The following SAMMSON variants were observed in gnomAD, a reference collection of about 807,000 sequenced individuals.
SAMMSON encodes the protein survival associated mitochondrial melanoma specific oncogenic non-coding RNA, also known as long intergenic non-protein coding RNA 1212.
At chr3:70,398,431 G>A (rs1177482563) in intron 2 of SAMMSON, among the ~76,000 whole-genome samples, 1 of 152,062 alleles carries the variant, frequency 6.6e-6, no homozygotes, top group Non-Finnish European at 1.5e-5. Flanking sequence ...AAACAAATCA[G>A]CATAAAAATT....
At chr3:70,270,612 T>G in intron 6 of SAMMSON, among the ~76,000 whole-genome samples, 1 of 152,190 alleles carries the variant, frequency 6.6e-6, no homozygotes. Context: ...CAGGGTTTTC[T>G]CTATGTATAT....
At chr3:70,255,302 C>T (rs990889648) in intron 6 of SAMMSON, among the ~76,000 whole-genome samples, 1 of 152,130 alleles carries the variant, frequency 6.6e-6, no homozygotes, top group Non-Finnish European at 1.5e-5. Flanking sequence ...AACATACATA[C>T]TGTGATTTTA....
chr3:70,272,866 A>C (rs1186910463), intron 6 of SAMMSON, among the ~76,000 whole-genome samples: 1 of 152,242 alleles, frequency 6.6e-6, no homozygotes. Context: ...AATAAAAAAG[A>C]GATCAGAGGA....
At chr3:70,329,006 A>G (rs1027876420) in intron 7 of SAMMSON, among the ~76,000 whole-genome samples, 1 of 152,188 alleles carries the variant, frequency 6.6e-6, no homozygotes, top group African/African-American at 2.4e-5. Flanking sequence ...TGCAAACTAG[A>G]AGACAGTTGT....
chr3:70,126,359 A>T, intron 4 of SAMMSON: 10 of 1,132,740 alleles, frequency 8.8e-6, no homozygotes, highest in African/African-American at 1.5e-5. Context: ...GTTTCAGCTG[A>T]TGGAGTCTTG....
chr3:70,417,008 A>G (rs1219839224), intron 2 of SAMMSON, among the ~76,000 whole-genome samples: 1 of 152,040 alleles, frequency 6.6e-6, no homozygotes, highest in Non-Finnish European at 1.5e-5. Context: ...CTTCCATGAC[A>G]GACATCACTA....
chr3:70,193,128 A>G (rs1701144125), intron 4 of SAMMSON, among the ~76,000 whole-genome samples: 1 of 152,182 alleles, frequency 6.6e-6, no homozygotes, highest in Admixed American at 6.5e-5. Flanking sequence ...AAGCATATCA[A>G]GATGGTAGAC....
chr3:70,026,170 AAATGAAAT>A (rs1285999485), intron 3 of SAMMSON, among the ~76,000 whole-genome samples: 4 of 152,222 alleles, frequency 2.6e-5, no homozygotes, highest in Admixed American at 2.6e-4. Flanking sequence ...TTATTTTATG[AAATGAAAT>A]AATGTCATTG....
chr3:70,053,518 C>A (rs778319986), intron 3 of SAMMSON, among the ~76,000 whole-genome samples: 2 of 152,140 alleles, frequency 1.3e-5, no homozygotes, highest in Admixed American at 1.3e-4. Flanking sequence ...CTTGACTGAG[C>A]TCCCACATAG....
chr3:70,290,112 T>C (rs1454618476), intron 6 of SAMMSON, among the ~76,000 whole-genome samples: 1 of 152,240 alleles, frequency 6.6e-6, no homozygotes, highest in Non-Finnish European at 1.5e-5. Flanking sequence ...AGGAGCTGCG[T>C]TCCTTTGTAG....
intron 3 of SAMMSON, among the ~76,000 whole-genome samples, chr3:70,057,461 G>A (rs1447482762): frequency 6.6e-6 from 1 of 151,606 alleles, no homozygotes; most frequent in Non-Finnish European, 1.5e-5. Context: ...ATGAAGAATT[G>A]TCTTTGCCTT....
chr3:70,015,695 C>T (rs1184893161), intron 3 of SAMMSON, among the ~76,000 whole-genome samples: 1 of 152,096 alleles, frequency 6.6e-6, no homozygotes, highest in Non-Finnish European at 1.5e-5. Flanking sequence ...GGTATATCTC[C>T]TAATGCTATC....
intron 4 of SAMMSON, among the ~76,000 whole-genome samples, chr3:70,103,763 A>G (rs1274755282): frequency 6.6e-6 from 1 of 152,182 alleles, no homozygotes; most frequent in Non-Finnish European, 1.5e-5. Flanking sequence ...TTAACTAGGA[A>G]AATGCACTTG....
chr3:70,216,256 AGATT>A (rs1440295746), intron 4 of SAMMSON, among the ~76,000 whole-genome samples: 4 of 150,370 alleles, frequency 2.7e-5, no homozygotes, highest in African/African-American at 9.7e-5. Context: ...CAACATAATT[AGATT>A]AATAACAAAT....
intron 9 of SAMMSON, among the ~76,000 whole-genome samples, chr3:70,365,970 CTTT>C (rs1193657961): frequency 3.6e-5 from 1 of 27,766 alleles, no homozygotes; most frequent in African/African-American, 1.3e-4. Flanking sequence ...TTTACCTTTT[CTTT>C]TTTTTTTTTT....
At position 70,387,679 on chromosome 3, in the gene SAMMSON, G is replaced by A. The variant is rs542769998; in HGVS notation, n.914-1895G>A. On this transcript the variant is annotated intron_variant and non_coding_transcript_variant, in intron 9 of 9. Transcript: ENST00000642114. ...CCTAAGGGCAAAATGTAACAATCAG[G>A]TCACACAGAGAACTTCAAAATAGCA... is the stretch of plus-strand genomic sequence containing the variant. 3.9e-5 allele frequency among the ~76,000 whole-genome samples: 6 copies of A among 152,096 alleles called. No homozygotes were observed. The South Asian group carries it at 1.2e-3, about 32-fold the overall frequency.
intron 9 of SAMMSON, among the ~76,000 whole-genome samples, chr3:70,363,900 T>G (rs1702898104): frequency 6.6e-6 from 1 of 151,804 alleles, no homozygotes; most frequent in Non-Finnish European, 1.5e-5. Context: ...TTCTTTTTAT[T>G]TTACGTGAGC....
At chr3:70,081,109 G>T (rs561367242) in intron 4 of SAMMSON, among the ~76,000 whole-genome samples, 81 of 152,142 alleles carry the variant, frequency 5.3e-4, no homozygotes, top group African/African-American at 1.9e-3. Flanking sequence ...CTTTGTTGTT[G>T]TTTTGTTTTT....
chr3:70,254,784 G>T (rs1198334071), intron 6 of SAMMSON, among the ~76,000 whole-genome samples: 1 of 152,098 alleles, frequency 6.6e-6, no homozygotes, highest in Admixed American at 6.5e-5. Context: ...CTAAACAGTT[G>T]GTAGCTTCTT....
Sources: gnomAD v4.1 joint callset for allele counts (sites outside exome capture counted in the v4.1 genomes callset) on GRCh38, gnomAD v4.1.1 for gene constraint, MANE v1.5 for transcripts, NCBI Gene and HGNC (gene_info 2026-07-23, HGNC 2026-07-21) for gene names.